Variants in CDH2 observed in about 807,000 individuals in gnomAD.
CDH2 encodes the protein cadherin 2.
A neutral mutation model predicts 92.0 loss-of-function variants in CDH2; 17 were observed. The observed-to-expected ratio is 0.18, with a 90% CI of 0.13 to 0.28. CDH2 has a LOEUF of 0.28. CDH2 is among the 10% of genes least tolerant of loss of function. The probability of loss-of-function intolerance (pLI) is 1.00; values close to 1 mark genes in which losing one functional copy is unlikely to be tolerated. For synonymous variants in CDH2, 419 were observed against 415.9 expected, an observed-to-expected ratio of 1.01 and a Z score of -0.09; for missense variants, 862 against 1,133.1, an observed-to-expected ratio of 0.76 and a Z score of 3.44.
chr18:27,995,313 C>CAAA (rs34313496), intron 7 of CDH2, among the ~76,000 whole-genome samples: 67 of 79,586 alleles, frequency 8.4e-4, no homozygotes, highest in African/African-American at 1.5e-3. Flanking sequence ...GACTCCATCT[C>CAAA]AAAAAAAAAA....
chr18:28,045,387 A>G (rs777672068), intron 2 of CDH2: 17 of 467,152 alleles, frequency 3.6e-5, no homozygotes, highest in African/African-American at 2.4e-4. Flanking sequence ...ATAGCTCTCC[A>G]TTGATTAGAA....
intron 2 of CDH2, among the ~76,000 whole-genome samples, chr18:28,035,088 A>G (rs1345916285): frequency 6.6e-6 from 1 of 152,078 alleles, no homozygotes; most frequent in African/African-American, 2.4e-5. Flanking sequence ...GGAAAGATTA[A>G]CTGAAGACCT....
At chr18:28,152,521 T>C (rs2016140221) in intron 1 of CDH2, among the ~76,000 whole-genome samples, 1 of 152,102 alleles carries the variant, frequency 6.6e-6, no homozygotes, top group Non-Finnish European at 1.5e-5. Context: ...AAAGCCATCC[T>C]AGGCAGTCAC....
chr18:28,039,515 A>G (rs2013907333), intron 2 of CDH2, among the ~76,000 whole-genome samples: 1 of 152,196 alleles, frequency 6.6e-6, no homozygotes, highest in Admixed American at 6.5e-5. Flanking sequence ...CAGGGAGATT[A>G]AGCAACTTGC....
chr18:28,106,640 A>T (rs2015327872), intron 2 of CDH2, among the ~76,000 whole-genome samples: 1 of 152,190 alleles, frequency 6.6e-6, no homozygotes. Flanking sequence ...TTCTGTTTGT[A>T]AATTTCAGCA....
chr18:28,149,020 G>A (rs1403428976), intron 1 of CDH2, among the ~76,000 whole-genome samples: 3 of 152,194 alleles, frequency 2.0e-5, no homozygotes, highest in Non-Finnish European at 2.9e-5. Context: ...CATCGAATGA[G>A]TAAGCAGTTT....
At chr18:28,001,100 T>C (rs775452527) in intron 7 of CDH2, among the ~76,000 whole-genome samples, 2 of 152,206 alleles carry the variant, frequency 1.3e-5, no homozygotes, top group Non-Finnish European at 2.9e-5. Context: ...CTATTTCTCA[T>C]ACTGTATCTA....
chr18:28,008,012 G>A (rs2144024217), intron 5 of CDH2, among the ~76,000 whole-genome samples: 1 of 152,266 alleles, frequency 6.6e-6, no homozygotes, highest in South Asian at 2.1e-4. Context: ...AGGATTCCGG[G>A]CGTGAGCCAC....
intron 2 of CDH2, among the ~76,000 whole-genome samples, chr18:28,032,653 T>C (rs890963315): frequency 1.3e-5 from 2 of 152,158 alleles, no homozygotes; most frequent in Admixed American, 1.3e-4. Context: ...ATCCTTTAAG[T>C]ACTTTTAAAA....
chr18:28,079,973 C>T (rs1203833861), intron 2 of CDH2, among the ~76,000 whole-genome samples: 2 of 152,156 alleles, frequency 1.3e-5, no homozygotes, highest in African/African-American at 4.8e-5. Context: ...ACATTTAACA[C>T]ATGAATTGAA....
At position 28,088,015 on chromosome 18, in the gene CDH2, T is replaced by C. The variant is rs150938340; in HGVS notation, c.172+59658A>G. On this transcript the variant is annotated intron_variant, in intron 2 of 15. Transcript: ENST00000269141. ...CAGACAAGCTCCTCAATAGATACAC[T>C]TGATTTGTCAAATGGAAAGATGACC... 1.8e-3 allele frequency among the ~76,000 whole-genome samples: 268 copies of C among 152,278 alleles called. 2 individuals carry two copies. The highest frequency in any genetic ancestry group is 6.0e-3 in the African/African-American group (248 of 41,566).
chr18:27,992,281 T>A (rs2012440427), intron 9 of CDH2, among the ~76,000 whole-genome samples: 1 of 152,156 alleles, frequency 6.6e-6, no homozygotes, highest in Admixed American at 6.5e-5. Context: ...CATGAATATA[T>A]CAACTACACT....
intron 14 of CDH2, among the ~76,000 whole-genome samples, chr18:27,979,325 C>A (rs2011961171): frequency 6.6e-6 from 1 of 152,070 alleles, no homozygotes; most frequent in African/African-American, 2.4e-5. Context: ...TGAAAAAAAT[C>A]CAAGTGCTAA....
chr18:28,094,780 T>G (rs1325174214), intron 2 of CDH2, among the ~76,000 whole-genome samples: 1 of 107,462 alleles, frequency 9.3e-6, no homozygotes, highest in Non-Finnish European at 1.7e-5. Context: ...GGCGACAGAG[T>G]GAGACTCTGT....
chr18:28,008,460 C>T (rs1162537668), intron 5 of CDH2, among the ~76,000 whole-genome samples: 1 of 151,982 alleles, frequency 6.6e-6, no homozygotes, highest in Admixed American at 6.6e-5. Flanking sequence ...TTCTCATATG[C>T]TTATTTGTCT....
rs532288961 is a variant in CDH2 at position 28,166,273 on chromosome 18, T to C, written c.60+10690A>G. Reference sequence around the variant, plus strand: ...TGCAAATACTAAAAAAAGTAACCTGTCTTTCCAAATGCTTTATTTTGCACC... The same window carrying C: ...TGCAAATACTAAAAAAAGTAACCTGCCTTTCCAAATGCTTTATTTTGCACC... On this transcript the variant is annotated intron_variant, in intron 1 of 15. Coordinates refer to ENST00000269141, the MANE Select transcript of CDH2 (RefSeq NM_001792.5). Among the ~76,000 whole-genome samples the C allele has an allele frequency of 1.8e-3, 268 of 150,674 alleles. 4 individuals carry two copies. The highest frequency in any genetic ancestry group is 2.4e-3 in the Non-Finnish European group (165 of 67,702).
chr18:28,027,846 G>A (rs202003603), intron 2 of CDH2, among the ~76,000 whole-genome samples: 1 of 144,026 alleles, frequency 6.9e-6, no homozygotes, highest in South Asian at 2.2e-4. Context: ...GTTTTGTTTT[G>A]TTTTTTTTTT....
At chr18:28,175,661 C>G (rs775843902) in intron 1 of CDH2, among the ~76,000 whole-genome samples, 2 of 152,156 alleles carry the variant, frequency 1.3e-5, no homozygotes, top group Non-Finnish European at 2.9e-5. Context: ...GGCCCTGACC[C>G]GTGAAGACCA....
At chr18:28,048,098 A>G (rs1004207148) in intron 2 of CDH2, among the ~76,000 whole-genome samples, 1 of 151,554 alleles carries the variant, frequency 6.6e-6, no homozygotes, top group African/African-American at 2.4e-5. Context: ...ACAATGTCTC[A>G]GGCACTAGAG....
Sources: allele counts gnomAD v4.1 joint callset (sites outside exome capture counted in the v4.1 genomes callset), GRCh38; gene constraint gnomAD v4.1.1; transcripts MANE v1.5; gene names NCBI Gene and HGNC (gene_info 2026-07-23, HGNC 2026-07-21).